GPBP1L1: variants seen among roughly 807,000 people sequenced by gnomAD.
The protein encoded by GPBP1L1 is GC-rich promoter binding protein 1 like 1, also known as vasculin-like protein 1.
A neutral mutation model predicts 52.5 loss-of-function variants in GPBP1L1; 23 were observed. The observed-to-expected ratio is 0.44, with a 90% confidence interval of 0.32 to 0.62. The LOEUF is 0.62. Ranked by LOEUF, GPBP1L1 falls within the 20% of genes least tolerant of loss-of-function variation. GPBP1L1 has a pLI of 0.06. For missense variants in GPBP1L1, 596 were observed against 579.3 expected, an observed-to-expected ratio of 1.03 and a Z score of -0.30; for synonymous variants, 243 against 203.1, an observed-to-expected ratio of 1.20 and a Z score of -1.67.
At chr1:45,675,930 C>T (rs1168158865) in intron 2 of GPBP1L1, among the ~76,000 whole-genome samples, 1 of 152,164 alleles carries the variant, frequency 6.6e-6, no homozygotes, top group African/African-American at 2.4e-5. Context: ...TTTAAATATT[C>T]ACTAACCCTA....
intron 11 of GPBP1L1, 126 bp downstream of exon 11, chr1:45,630,356 G>A: frequency 8.9e-7 from 1 of 1,127,030 alleles, no homozygotes; most frequent in Non-Finnish European, 1.3e-6. Context: ...CATACACAGA[G>A]AACAAGTTAT....
chr1:45,684,996 C>T (rs1645261564), intron 2 of GPBP1L1, among the ~76,000 whole-genome samples: 1 of 151,842 alleles, frequency 6.6e-6, no homozygotes, highest in Admixed American at 6.6e-5. Flanking sequence ...AGCACCTTTC[C>T]AAATATTGAA....
chr1:45,659,737 C>A (rs1051669945), intron 3 of GPBP1L1, among the ~76,000 whole-genome samples: 1 of 152,096 alleles, frequency 6.6e-6, no homozygotes, highest in African/African-American at 2.4e-5. Flanking sequence ...CCCAGCAGTT[C>A]GAGACCAGTC....
chr1:45,677,341 G>GAAAA (rs35311976), intron 2 of GPBP1L1, among the ~76,000 whole-genome samples: 1 of 117,556 alleles, frequency 8.5e-6, no homozygotes, highest in African/African-American at 3.1e-5. Context: ...TTCGTCTCAG[G>GAAAA]AAAAAAAAAA....
chr1:45,655,155 C>T, intron 5 of GPBP1L1, 35 bp downstream of exon 5: 1 of 1,613,454 alleles, frequency 6.2e-7, no homozygotes, highest in Non-Finnish European at 8.5e-7. Context: ...AAATGAGTAG[C>T]TTAAATATAG....
At chr1:45,659,007 T>G (rs779529878) in intron 4 of GPBP1L1, 21 bp downstream of exon 4, 1 of 1,506,546 alleles carries the variant, frequency 6.6e-7, no homozygotes, top group Non-Finnish European at 9.2e-7. Context: ...GAGAAGTTAC[T>G]ACAGGAATGG....
rs1193806726 is a variant in GPBP1L1 at position 45,654,951 on chromosome 1, G to GT, written c.191-123dup. The GT allele has an allele frequency of 7.2e-4, 779 of 1,088,852 alleles. 5 individuals carry two copies. The African/African-American group carries it at 0.011, about 16-fold the overall frequency. The allele number at this position is 1,088,852 out of a possible 1,614,324, so 67.4% of individuals were successfully genotyped here. A position where few individuals can be genotyped will look rare whatever the true frequency, so the allele number is the denominator to read the frequency against. The stretch of plus-strand genomic sequence containing the variant: ...GTCCACACAAAAAAAATAAAAAAAT[G>GT]TATCTTTTCTTTGTGAGGTAATTTC... On this transcript the variant is annotated intron_variant, in intron 5 of 12. Transcript: ENST00000355105.
At chr1:45,682,832 T>A (rs978298762) in intron 2 of GPBP1L1, among the ~76,000 whole-genome samples, 31 of 152,222 alleles carry the variant, frequency 2.0e-4, no homozygotes, top group African/African-American at 7.5e-4. Flanking sequence ...TTCCTCTTAC[T>A]GAACTATTTT....
At chr1:45,636,657 C>T (rs1030490886) in intron 8 of GPBP1L1, among the ~76,000 whole-genome samples, 1 of 152,166 alleles carries the variant, frequency 6.6e-6, no homozygotes, top group Non-Finnish European at 1.5e-5. Context: ...TTTTAAACGT[C>T]CACTTACTGG....
At chr1:45,671,831 T>TAATAAATA (rs141577520) in intron 2 of GPBP1L1, among the ~76,000 whole-genome samples, 229 of 151,206 alleles carry the variant, frequency 1.5e-3, no homozygotes, top group African/African-American at 5.2e-3. Flanking sequence ...TCTCTAATAA[T>TAATAAATA]AATAAATAAA....
chr1:45,658,494 AACAT>A (rs1421103327), intron 4 of GPBP1L1, among the ~76,000 whole-genome samples: 2 of 152,256 alleles, frequency 1.3e-5, no homozygotes, highest in African/African-American at 4.8e-5. Flanking sequence ...GAAAAAAAGA[AACAT>A]AAAAAAGTGA....
chr1:45,683,451 C>G (rs899625017), intron 2 of GPBP1L1, among the ~76,000 whole-genome samples: 1 of 150,940 alleles, frequency 6.6e-6, no homozygotes, highest in Non-Finnish European at 1.5e-5. Flanking sequence ...GTGATCCGCC[C>G]GCCTCGGCCT....
In GPBP1L1 at chr1:45,655,087, T is replaced by C. The variant is rs1644868737; in HGVS notation, c.190+103A>G. 2.1e-6 allele frequency: 3 copies of C among 1,434,836 alleles called. No homozygotes were observed. The African/African-American group carries it at 4.3e-5, about 20-fold the overall frequency. 88.9% of individuals were successfully genotyped at this position (1,434,836 alleles called of 1,614,324 possible). Reference sequence around the variant, plus strand: ...CTAGAGAATCTAAATGAAAACTATGTTCAGAAAAGATCCTATTTCAAGATT... The same window carrying C: ...CTAGAGAATCTAAATGAAAACTATGCTCAGAAAAGATCCTATTTCAAGATT... On this transcript the variant is annotated intron_variant, in intron 5 of 12. Transcript: ENST00000355105.
intron 2 of GPBP1L1, among the ~76,000 whole-genome samples, chr1:45,668,782 A>T (rs1455840998): frequency 6.6e-6 from 1 of 152,162 alleles, no homozygotes; most frequent in Non-Finnish European, 1.5e-5. Context: ...TCACCAGCCT[A>T]GGCAAAATAG....
intron 6 of GPBP1L1, among the ~76,000 whole-genome samples, chr1:45,643,485 T>C (rs1321603666): frequency 1.3e-5 from 2 of 152,012 alleles, no homozygotes; most frequent in Admixed American, 6.6e-5. Context: ...TAAGAGACCA[T>C]TAGGAGATCA....
chr1:45,645,772 T>G (rs965388423), intron 6 of GPBP1L1: 3 of 352,064 alleles, frequency 8.5e-6, no homozygotes, highest in Non-Finnish European at 1.6e-5. Context: ...TTTTTTGTTT[T>G]TTTTTTTTTT....
intron 1 of GPBP1L1, 107 bp from the exon 2 acceptor site, chr1:45,685,727 C>T (rs902382655): frequency 2.0e-5 from 3 of 152,212 alleles, no homozygotes; most frequent in African/African-American, 7.2e-5. Flanking sequence ...CAGGGCACTT[C>T]CCCAAGCTAC....
chr1:45,628,512 A>C, intron 12 of GPBP1L1, 104 bp from the exon 13 acceptor site: 261 of 997,052 alleles, frequency 2.6e-4, no homozygotes, highest in East Asian at 3.9e-4. Flanking sequence ...TCTAGGTAGA[A>C]TGTGGGGCGG....
At position 45,661,179 on chromosome 1, in the gene GPBP1L1, T is replaced by C. The variant is rs1644942863; in HGVS notation, c.-1051A>G. ...GAAGTCACTTATTATTTTGGATCCATTTCCACCACTTCACAATCATTTGAA... is the reference window on the plus strand; with the variant it reads ...GAAGTCACTTATTATTTTGGATCCACTTCCACCACTTCACAATCATTTGAA... On this transcript the variant is annotated 5_prime_UTR_variant, in exon 3 of 13. An upstream start codon of the reference 5' UTR is lost. Coordinates refer to ENST00000355105, the MANE Select transcript of GPBP1L1 (RefSeq NM_021639.5). The C allele has an allele frequency of 6.6e-6, 1 of 152,224 alleles. No individual in the cohort carries two copies. The highest frequency in any genetic ancestry group is 2.4e-5 in the African/African-American group (1 of 41,462). The allele number at this position is 152,224 out of a possible 1,614,324, so 9.4% of individuals were successfully genotyped here.
Sources: allele counts gnomAD v4.1 joint callset (sites outside exome capture counted in the v4.1 genomes callset), GRCh38; gene constraint gnomAD v4.1.1; transcripts MANE v1.5; gene names NCBI Gene and HGNC (gene_info 2026-07-23, HGNC 2026-07-21).